The following GCC2 variants were observed in gnomAD, a reference collection of about 807,000 sequenced individuals.
GCC2 encodes the protein GRIP and coiled-coil domain-containing protein 2.
A neutral mutation model predicts 210.6 loss-of-function variants in GCC2; 120 were observed. The observed-to-expected ratio is 0.57, with a 90% CI of 0.49 to 0.66. The LOEUF (loss-of-function observed/expected upper bound fraction) is 0.66. GCC2 is among the 30% of genes least tolerant of loss of function. GCC2 has a pLI of 0.00. For synonymous variants in GCC2, 703 were observed against 652.7 expected (o/e 1.08, Z -1.17); for missense variants, 1,868 against 1,871.9 (o/e 1.00, Z 0.04).
intron 5 of GCC2, 56 bp downstream of exon 5, chr2:108,469,140 A>T: frequency 1.0e-6 from 1 of 981,792 alleles, no homozygotes; most frequent in Non-Finnish European, 1.6e-6. Context: ...TGTAGTCATT[A>T]ATTTTAGAGG....
rs1358697601 is a variant in GCC2 at position 108,471,482 on chromosome 2, T to C, written c.2153T>C (p.Val718Ala). The change falls in exon 6 of 23, where the codon GTT becomes GCT. Residue 718 changes from valine (V) to alanine (A), a missense_variant. Physicochemically the swap from Val to Ala is moderately conservative, Grantham distance 64. Coordinates refer to ENST00000309863, the MANE Select transcript of GCC2 (RefSeq NM_181453.4). ...GTTTTTTTGTCTCAAAAAGAAGATG[T>C]TATCCTTAAAGAACATATTACTCAA... Reference protein sequence around the residue: ...LEVFLSQKEDVILKEHITQLE... With the variant: ...LEVFLSQKEDAILKEHITQLE... 1 of 1,610,506 alleles carries C rather than the reference T, an allele frequency of 6.2e-7. No homozygotes were observed. Among genetic ancestry groups the C allele is most frequent in the East Asian group, 2.2e-5 (1 of 44,806 alleles).
chr2:108,468,882 C>G (rs1681040686), intron 4 of GCC2, 98 bp from the exon 5 acceptor site: 1 of 734,850 alleles, frequency 1.4e-6, no homozygotes, highest in South Asian at 1.6e-5. Context: ...ATCTCTTATT[C>G]TCACTTCAGT....
chr2:108,454,020 T>C (rs1469165525), intron 4 of GCC2, among the ~76,000 whole-genome samples: 1 of 152,188 alleles, frequency 6.6e-6, no homozygotes, highest in Non-Finnish European at 1.5e-5. Flanking sequence ...AGACAGAGTC[T>C]CGCCTTGTCG....
chr2:108,497,349 C>G (rs1487174307), intron 21 of GCC2, among the ~76,000 whole-genome samples: 1 of 152,182 alleles, frequency 6.6e-6, no homozygotes, highest in Non-Finnish European at 1.5e-5. Context: ...ATCTCCTGAC[C>G]TCGTGATCCG....
rs1558767766 is a variant in GCC2, at chr2:108,508,962, A to G, written c.*1332A>G. The G allele has an allele frequency of 6.6e-6, 1 of 152,668 alleles. No homozygotes were observed. The highest frequency in any genetic ancestry group is 2.4e-5 in the African/African-American group (1 of 41,454). 9.5% of individuals were successfully genotyped at this position (152,668 alleles called of 1,614,324 possible). On this transcript the variant is annotated 3_prime_UTR_variant, in exon 23 of 23. Coordinates refer to ENST00000309863, the MANE Select transcript of GCC2 (RefSeq NM_181453.4). ...TTGGTTACACAGAACATTGGTTTCC[A>G]ATTCAGTTTAACTGAAATTTGCTGC...
rs73954369 is a variant in GCC2, at chr2:108,507,852, T to G, written c.*222T>G. ...GCCACAGCCCTCTAACTCATGTGAT[T>G]TCCCATGCATGCTGCCAGAATAAAA... On this transcript the variant is annotated 3_prime_UTR_variant, in exon 23 of 23. Coordinates refer to ENST00000309863, the MANE Select transcript of GCC2 (RefSeq NM_181453.4). 2.5e-6 allele frequency: 1 copy of G among 392,898 alleles called. No homozygotes were observed. The highest frequency in any genetic ancestry group is 4.8e-6 in the Non-Finnish European group (1 of 209,030). 24.3% of individuals were successfully genotyped at this position (392,898 alleles called of 1,614,324 possible). A position where few individuals can be genotyped will look rare whatever the true frequency, so the allele number is the denominator to read the frequency against.
chr2:108,500,814 G>T (rs1356789819), intron 22 of GCC2, among the ~76,000 whole-genome samples: 1 of 152,156 alleles, frequency 6.6e-6, no homozygotes, highest in Non-Finnish European at 1.5e-5. Context: ...GAGAGTTAGA[G>T]ACTTAAATCC....
At position 108,469,804 on chromosome 2, in the gene GCC2, G is replaced by A; in HGVS notation, c.475G>A (p.Ala159Thr). The change falls in exon 6 of 23, where the codon GCA becomes ACA. Residue 159 changes from alanine to threonine, a missense_variant. Ala to Thr is a moderately conservative substitution (Grantham distance 58, BLOSUM62 0). Coordinates refer to ENST00000309863, the MANE Select transcript of GCC2 (RefSeq NM_181453.4). ...TAACTTACAAAAGCAGCTGGAAGAA[G>A]CAATGAATACGCAATTAGAACTTTC... ...KANLQKQLEE[A>T]MNTQLELSEQ... is the part of the protein sequence containing the mutation. The A allele has an allele frequency of 2.5e-6, 4 of 1,613,884 alleles. No homozygotes were observed. The highest frequency in any genetic ancestry group is 2.5e-6 in the Non-Finnish European group (3 of 1,179,852).
chr2:108,483,248 C>A, intron 12 of GCC2, 82 bp downstream of exon 12: 1 of 722,682 alleles, frequency 1.4e-6, no homozygotes, highest in Non-Finnish European at 2.4e-6. Context: ...GTTCTCTCTG[C>A]AATCTCACTC....
intron 8 of GCC2, 33 bp downstream of exon 8, chr2:108,475,668 A>G: frequency 6.9e-7 from 1 of 1,443,696 alleles, no homozygotes; most frequent in Non-Finnish European, 9.5e-7. Flanking sequence ...AGATTCCGGA[A>G]TCTCACATTT....
intron 4 of GCC2, among the ~76,000 whole-genome samples, chr2:108,453,824 A>G (rs908487759): frequency 5.3e-5 from 8 of 150,326 alleles, no homozygotes; most frequent in African/African-American, 1.7e-4. Context: ...TGAGTTGCTT[A>G]TTCTTATTTC....
chr2:108,461,046 C>T (rs562014001), intron 4 of GCC2, among the ~76,000 whole-genome samples: 29 of 152,216 alleles, frequency 1.9e-4, no homozygotes, highest in Non-Finnish European at 3.2e-4. Context: ...CCAATTTAAT[C>T]TCTTTTCTTT....
chr2:108,461,821 T>C (rs552209921), intron 4 of GCC2, among the ~76,000 whole-genome samples: 29 of 139,916 alleles, frequency 2.1e-4, no homozygotes, highest in Admixed American at 1.7e-3. Flanking sequence ...AGGTTTTCTT[T>C]TTTTTTTTCT....
At chr2:108,467,219 C>G (rs2104440768) in intron 4 of GCC2, among the ~76,000 whole-genome samples, 1 of 152,266 alleles carries the variant, frequency 6.6e-6, no homozygotes, top group South Asian at 2.1e-4. Context: ...TGTGGAACGC[C>G]TTCACACATC....
chr2:108,474,193 T>A (rs1366559442), intron 7 of GCC2, among the ~76,000 whole-genome samples: 3 of 152,078 alleles, frequency 2.0e-5, no homozygotes, highest in Non-Finnish European at 4.4e-5. Context: ...AGATTCAAAT[T>A]ACCAAGGGAG....
rs10205877 is a variant in GCC2, at chr2:108,482,461, A to G, written c.3345+10A>G. 3.4e-3 allele frequency: 4,606 copies of G among 1,350,000 alleles called. 52 individuals carry two copies. The highest frequency in any genetic ancestry group is 0.028 in the African/African-American group (1,925 of 68,742). 83.6% of individuals were successfully genotyped at this position (1,350,000 alleles called of 1,614,324 possible). On this transcript the variant is annotated intron_variant, in intron 11 of 22. Transcript: ENST00000309863. ...AGAACAGAAGATAAAGGTAAAAACA[A>G]TCCTATGAGATTGATTCACATATAT...
intron 9 of GCC2, among the ~76,000 whole-genome samples, chr2:108,478,991 G>A (rs1398850969): frequency 6.6e-6 from 1 of 152,044 alleles, no homozygotes; most frequent in African/African-American, 2.4e-5. Context: ...TCAGGAGTTC[G>A]AGACCAGTCT....
rs765843796 is a variant in GCC2 at position 108,489,910 on chromosome 2, T to C, written c.4125T>C (p.Asn1375=). The change falls in exon 18 of 23, where the codon AAT becomes AAC. Residue 1375 remains asparagine (N), a synonymous_variant. Transcript: ENST00000309863. ...LQDSQNNLQI[N]VSELQTLQSE... ...ATAGCCAAAATAACTTACAGATTAA[T>C]GTATCTGAACTTCAAACATTGCAGT... 35 of 1,611,264 alleles carry C rather than the reference T, an allele frequency of 2.2e-5. 1 individual carries two copies. The South Asian group carries it at 3.0e-4, about 14-fold the overall frequency.
At chr2:108,478,524 C>T (rs2104468723) in intron 9 of GCC2, among the ~76,000 whole-genome samples, 1 of 152,318 alleles carries the variant, frequency 6.6e-6, no homozygotes, top group South Asian at 2.1e-4. Flanking sequence ...GATCTGAACA[C>T]ACAGGAGTCC....
Sources: allele counts gnomAD v4.1 joint callset (sites outside exome capture counted in the v4.1 genomes callset), GRCh38; gene constraint gnomAD v4.1.1; transcripts MANE v1.5; gene names NCBI Gene and HGNC (gene_info 2026-07-23, HGNC 2026-07-21).